The following ERBB4 variants were observed in gnomAD, a reference collection of about 807,000 sequenced individuals.
The protein encoded by ERBB4 is erb-b2 receptor tyrosine kinase 4, also known as receptor tyrosine-protein kinase erbB-4.
Under a neutral mutation model 158.0 loss-of-function variants are expected in ERBB4, and 42 were observed. The observed-to-expected ratio is 0.27, with a 90% confidence interval of 0.21 to 0.34. The LOEUF (loss-of-function observed/expected upper bound fraction) is 0.34. Ranked by LOEUF, ERBB4 falls within the 10% of genes least tolerant of loss-of-function variation. ERBB4 has a pLI of 1.00. For missense variants in ERBB4, 1,333 were observed against 1,624.1 expected (o/e 0.82, Z 3.08); for synonymous variants, 583 against 558.7 (o/e 1.04, Z -0.61).
chr2:211,812,619 T>C (rs2076784910), intron 3 of ERBB4, among the ~76,000 whole-genome samples: 2 of 152,212 alleles, frequency 1.3e-5, no homozygotes, highest in Admixed American at 1.3e-4. Flanking sequence ...TTCTGCTGCC[T>C]TTTGTCCAGC....
intron 20 of ERBB4, among the ~76,000 whole-genome samples, chr2:211,440,513 G>A (rs549871125): frequency 2.6e-5 from 4 of 152,268 alleles, no homozygotes; most frequent in African/African-American, 9.6e-5. Context: ...TGACACCTTA[G>A]TAATAATTGA....
chr2:212,532,964 AAG>A (rs1473285301), intron 1 of ERBB4, among the ~76,000 whole-genome samples: 1 of 152,242 alleles, frequency 6.6e-6, no homozygotes, highest in Non-Finnish European at 1.5e-5. Context: ...TATAAATATA[AAG>A]CACTAGTTTA....
At chr2:212,290,263 C>T (rs1270467108) in intron 1 of ERBB4, among the ~76,000 whole-genome samples, 2 of 151,976 alleles carry the variant, frequency 1.3e-5, no homozygotes, top group Non-Finnish European at 2.9e-5. Context: ...TTTTCCTGTC[C>T]ACAAAGCCAC....
At chr2:211,409,986 C>A (rs555271436) in intron 25 of ERBB4, among the ~76,000 whole-genome samples, 1 of 152,162 alleles carries the variant, frequency 6.6e-6, no homozygotes, top group Non-Finnish European at 1.5e-5. Context: ...CAAGTCACTT[C>A]ACTCAGAGTT....
chr2:212,128,683 TTAAC>T (rs1202725399), intron 1 of ERBB4, among the ~76,000 whole-genome samples: 1 of 152,204 alleles, frequency 6.6e-6, no homozygotes, highest in East Asian at 1.9e-4. Flanking sequence ...TTGAGTAAAT[TTAAC>T]TATTGTGCTT....
intron 2 of ERBB4, among the ~76,000 whole-genome samples, chr2:211,989,928 T>C (rs1206760819): frequency 6.6e-6 from 1 of 151,966 alleles, no homozygotes; most frequent in East Asian, 1.9e-4. Context: ...AATGGAATCA[T>C]TCATCCCTTA....
intron 20 of ERBB4, among the ~76,000 whole-genome samples, chr2:211,510,321 G>C (rs2065855700): frequency 6.6e-6 from 1 of 152,050 alleles, no homozygotes. Flanking sequence ...AAGAGGAGAG[G>C]GTGGGAGGAG....
intron 20 of ERBB4, among the ~76,000 whole-genome samples, chr2:211,556,863 C>A (rs2067249546): frequency 1.3e-5 from 2 of 152,136 alleles, no homozygotes; most frequent in African/African-American, 2.4e-5. Flanking sequence ...TCAAGCTATA[C>A]TACAGGGCTA....
At chr2:211,408,430 CAA>C (rs1373552186) in intron 25 of ERBB4, among the ~76,000 whole-genome samples, 3 of 152,160 alleles carry the variant, frequency 2.0e-5, no homozygotes, top group African/African-American at 4.8e-5. Flanking sequence ...CACTTTTTAA[CAA>C]AGAGTGGATG....
At chr2:212,365,827 C>G (rs2089868256) in intron 1 of ERBB4, among the ~76,000 whole-genome samples, 1 of 151,822 alleles carries the variant, frequency 6.6e-6, no homozygotes. Context: ...TCACAAATAA[C>G]TGTAAGTACA....
intron 1 of ERBB4, among the ~76,000 whole-genome samples, chr2:212,369,429 T>C (rs868036838): frequency 6.6e-6 from 1 of 152,142 alleles, no homozygotes; most frequent in South Asian, 2.1e-4. Context: ...ATTAAAAAAA[T>C]GTAACAATAA....
chr2:211,752,085 T>C (rs2075146850), intron 4 of ERBB4, among the ~76,000 whole-genome samples: 1 of 152,154 alleles, frequency 6.6e-6, no homozygotes. Flanking sequence ...AACAACATAA[T>C]GCAAGCTCAT....
intron 1 of ERBB4, among the ~76,000 whole-genome samples, chr2:212,294,111 T>G (rs2086322646): frequency 1.3e-5 from 2 of 151,964 alleles, no homozygotes; most frequent in Admixed American, 6.6e-5. Flanking sequence ...ATTATAGAAA[T>G]AAAATAAAGC....
At chr2:211,569,243 T>A (rs572675499) in intron 19 of ERBB4, among the ~76,000 whole-genome samples, 1 of 152,370 alleles carries the variant, frequency 6.6e-6, no homozygotes, top group Non-Finnish European at 1.5e-5. Context: ...GAAGTCTACA[T>A]CGGGAAAGAA....
chr2:212,269,947 G>A (rs909270255), intron 1 of ERBB4, among the ~76,000 whole-genome samples: 8 of 151,646 alleles, frequency 5.3e-5, no homozygotes, highest in Non-Finnish European at 5.9e-5. Flanking sequence ...TGCTTCCTCC[G>A]TAGTTTTTTT....
chr2:212,073,427 A>C (rs1469051992), intron 2 of ERBB4, among the ~76,000 whole-genome samples: 1 of 151,986 alleles, frequency 6.6e-6, no homozygotes, highest in African/African-American at 2.4e-5. Context: ...ATATTTAATA[A>C]GGGTCTTGAC....
At chr2:211,634,663 G>A (rs2070289871) in intron 16 of ERBB4, among the ~76,000 whole-genome samples, 1 of 151,854 alleles carries the variant, frequency 6.6e-6, no homozygotes, top group Admixed American at 6.6e-5. Context: ...GTTTCTGAGC[G>A]TGAATGTGAT....
intron 1 of ERBB4, among the ~76,000 whole-genome samples, chr2:212,340,087 G>A (rs2088632911): frequency 6.7e-6 from 1 of 149,746 alleles, no homozygotes; most frequent in South Asian, 2.1e-4. Flanking sequence ...CTGGGCTGAA[G>A]TGCAGTGGAG....
At chr2:211,855,036 G>C (rs1177638884) in intron 3 of ERBB4, among the ~76,000 whole-genome samples, 1 of 152,014 alleles carries the variant, frequency 6.6e-6, no homozygotes, top group Non-Finnish European at 1.5e-5. Context: ...CTTTAAGCCA[G>C]TCTGGTGGGC....
Sources: gnomAD v4.1 joint callset for allele counts (sites outside exome capture counted in the v4.1 genomes callset) on GRCh38, gnomAD v4.1.1 for gene constraint, MANE v1.5 for transcripts, NCBI Gene and HGNC (gene_info 2026-07-23, HGNC 2026-07-21) for gene names.